The following ENPP1 variants were observed in gnomAD, a reference collection of about 807,000 sequenced individuals.
The protein encoded by ENPP1 is ectonucleotide pyrophosphatase/phosphodiesterase 1.
In ENPP1, 73 loss-of-function variants were observed where a neutral mutation model predicts 122.8. The observed-to-expected ratio is 0.59, with a 90% confidence interval of 0.49 to 0.72. The LOEUF is 0.72. Ranked by LOEUF, ENPP1 falls within the 30% of genes least tolerant of loss-of-function variation. The pLI, the probability that ENPP1 is intolerant of heterozygous loss-of-function variation, is 0.00. For missense variants in ENPP1, 978 were observed against 1,128.1 expected (o/e 0.87, Z 1.91); for synonymous variants, 367 against 391.6 (o/e 0.94, Z 0.74).
intron 9 of ENPP1, among the ~76,000 whole-genome samples, chr6:131,863,199 G>A (rs767306167): frequency 5.9e-5 from 9 of 152,224 alleles, no homozygotes; most frequent in South Asian, 2.1e-4. Flanking sequence ...CATCTATTGC[G>A]TTTGCAAATA....
At chr6:131,821,045 T>C (rs920061827) in intron 1 of ENPP1, among the ~76,000 whole-genome samples, 7 of 152,198 alleles carry the variant, frequency 4.6e-5, no homozygotes, top group African/African-American at 1.4e-4. Context: ...GAATTTTTTA[T>C]TTTACCTTAC....
chr6:131,828,167 C>G, intron 1 of ENPP1: 1 of 575,446 alleles, frequency 1.7e-6, no homozygotes, highest in Non-Finnish European at 3.4e-6. Flanking sequence ...AAACTGATGT[C>G]CCGGGATTAG....
intron 2 of ENPP1, among the ~76,000 whole-genome samples, chr6:131,848,425 T>C (rs2208060): frequency 0.53 from 80,824 of 151,820 alleles, 24,182 homozygotes; most frequent in African/African-American, 0.82. Flanking sequence ...CCCCCCATCC[T>C]CTCGCAATAA....
intron 1 of ENPP1, among the ~76,000 whole-genome samples, chr6:131,843,150 T>G (rs895251665): frequency 6.6e-6 from 1 of 152,270 alleles, no homozygotes; most frequent in South Asian, 2.1e-4. Context: ...GACAGGAAAA[T>G]TCAAACTAAA....
At chr6:131,871,514 C>T (rs1782161866) in intron 13 of ENPP1, among the ~76,000 whole-genome samples, 2 of 152,214 alleles carry the variant, frequency 1.3e-5, no homozygotes, top group Admixed American at 6.5e-5. Context: ...TACTTGACAA[C>T]TCATTTCCCC....
chr6:131,814,551 T>G (rs1463083065), intron 1 of ENPP1, among the ~76,000 whole-genome samples: 1 of 152,184 alleles, frequency 6.6e-6, no homozygotes, highest in African/African-American at 2.4e-5. Context: ...CTGGCATTAT[T>G]TGAGATTTGG....
intron 1 of ENPP1, among the ~76,000 whole-genome samples, chr6:131,819,607 A>T (rs1781458598): frequency 6.6e-6 from 1 of 152,226 alleles, no homozygotes; most frequent in Non-Finnish European, 1.5e-5. Flanking sequence ...GCATTTGTGG[A>T]ACTGCATGTC....
intron 1 of ENPP1, among the ~76,000 whole-genome samples, chr6:131,815,871 ATTTTTTTTTTTT>A (rs750091125): frequency 1.7e-5 from 2 of 115,842 alleles, no homozygotes; most frequent in African/African-American, 3.4e-5. Context: ...CACCTGGCTA[ATTTTTTTTTTTT>A]TTTTTTTTTG....
intron 20 of ENPP1, among the ~76,000 whole-genome samples, chr6:131,880,594 A>T (rs1489549854): frequency 2.0e-5 from 3 of 151,668 alleles, no homozygotes; most frequent in African/African-American, 7.3e-5. Flanking sequence ...AAAGAAAGAA[A>T]AGAATTCTCT....
chr6:131,873,021 C>T lies in ENPP1; in HGVS notation c.1536C>T (p.Phe512=), dbSNP rs1164525329. 6.2e-7 allele frequency: 1 copy of T among 1,613,810 alleles called. No individual in the cohort carries two copies. The highest frequency in any genetic ancestry group is 1.7e-5 in the Admixed American group (1 of 60,008). Residue 512 remains phenylalanine (F), a synonymous_variant, in exon 15 of 25, where the codon TTC becomes TTT. Transcript: ENST00000647893. ...AKSDRIEPLT[F]YLDPQWQLAL... is the part of the protein sequence containing the mutation. Reference sequence around the variant, plus strand: ...GTGATAGAATTGAGCCCTTGACATTCTATTTGGACCCTCAGTGGCAACTTG... The same window carrying T: ...GTGATAGAATTGAGCCCTTGACATTTTATTTGGACCCTCAGTGGCAACTTG...
intron 1 of ENPP1, among the ~76,000 whole-genome samples, chr6:131,821,811 C>A (rs1781488134): frequency 6.6e-6 from 1 of 152,200 alleles, no homozygotes; most frequent in African/African-American, 2.4e-5. Context: ...CCCCTCTCAA[C>A]AATCAACAGT....
At chr6:131,883,898 T>C (rs1585843173) in intron 22 of ENPP1, 124 bp downstream of exon 22, 2 of 619,110 alleles carry the variant, frequency 3.2e-6, no homozygotes, top group East Asian at 5.6e-5. Context: ...TTCTTAAAGG[T>C]TTAACTTTGA....
At position 131,882,408 on chromosome 6, in the gene ENPP1, C is replaced by A; in HGVS notation, c.2164C>A (p.Pro722Thr). Reference sequence around the variant, plus strand: ...CCAGGACTTTAGAATTCCTCTTAGTCCTGTCCATAAATGTTCATTTTATAA... The same window carrying A: ...CCAGGACTTTAGAATTCCTCTTAGTACTGTCCATAAATGTTCATTTTATAA... Reference protein sequence around the residue: ...LYQDFRIPLSPVHKCSFYKNN... With the variant: ...LYQDFRIPLSTVHKCSFYKNN... Residue 722 changes from proline (P) to threonine (T), a missense_variant, in exon 21 of 25, where the codon CCT (proline) becomes ACT (threonine). Physicochemically the swap from Pro to Thr is conservative, Grantham distance 38. This residue lies in a region of ENPP1 where 644 missense variants were observed against 781.5 expected (regional missense o/e 0.82). Transcript: ENST00000647893. 6.2e-7 allele frequency: 1 copy of A among 1,606,874 alleles called. No individual in the cohort carries two copies. The highest frequency in any genetic ancestry group is 8.5e-7 in the Non-Finnish European group (1 of 1,174,570).
intron 1 of ENPP1, among the ~76,000 whole-genome samples, chr6:131,809,756 A>G (rs1781325138): frequency 6.6e-6 from 1 of 152,202 alleles, no homozygotes. Context: ...AGGTTTTCCA[A>G]TTGCAAAATT....
At position 131,894,188 on chromosome 6, in the gene ENPP1, T is replaced by G. The variant is rs919022693; in HGVS notation, c.*3677T>G. 7 of 152,428 alleles carry G rather than the reference T, an allele frequency of 4.6e-5. No homozygotes were observed. The highest frequency in any genetic ancestry group is 8.8e-5 in the Non-Finnish European group (6 of 68,366). 9.4% of individuals were successfully genotyped at this position (152,428 alleles called of 1,614,324 possible). On this transcript the variant is annotated 3_prime_UTR_variant, in exon 25 of 25. Transcript: ENST00000647893. ...CCAGGATGGTCTCGATCTCCTGACC[T>G]TGTGATCTGCCCGCCTCGGCCTCCC...
intron 16 of ENPP1, among the ~76,000 whole-genome samples, chr6:131,874,827 G>GAT (rs550870101): frequency 4.7e-4 from 62 of 132,940 alleles, no homozygotes; most frequent in Admixed American, 7.8e-4. Context: ...AAATGTGTGA[G>GAT]ATATATATAT....
intron 2 of ENPP1, among the ~76,000 whole-genome samples, chr6:131,848,167 C>A (rs77578043): frequency 0.035 from 5,360 of 152,050 alleles, 181 homozygotes; most frequent in African/African-American, 0.085. Context: ...CTGAAGCAAC[C>A]CTGTAGGTTA....
At chr6:131,813,384 G>T (rs571820789) in intron 1 of ENPP1, among the ~76,000 whole-genome samples, 2 of 152,080 alleles carry the variant, frequency 1.3e-5, no homozygotes, top group East Asian at 3.9e-4. Flanking sequence ...AAAAAAATTA[G>T]CAGGGCATGG....
intron 1 of ENPP1, among the ~76,000 whole-genome samples, chr6:131,808,856 C>T (rs530176211): frequency 3.9e-4 from 60 of 152,158 alleles, no homozygotes; most frequent in Non-Finnish European, 7.3e-4. Flanking sequence ...ATTCTTTGCC[C>T]ACTCTTCTAA....
Sources: gnomAD v4.1 joint callset for allele counts (sites outside exome capture counted in the v4.1 genomes callset) on GRCh38, gnomAD v4.1.1 for gene constraint, gnomAD v4.1.1 regional missense constraint, MANE v1.5 for transcripts, NCBI Gene and HGNC (gene_info 2026-07-23, HGNC 2026-07-21) for gene names.